Variants in PTPRM observed in about 807,000 individuals in gnomAD.
The protein encoded by PTPRM is receptor-type tyrosine-protein phosphatase mu.
In PTPRM, 47 loss-of-function variants were observed where a neutral mutation model predicts 186.7. The observed-to-expected ratio is 0.25, with a 90% confidence interval of 0.20 to 0.32. The LOEUF (loss-of-function observed/expected upper bound fraction) is 0.32. Ranked by LOEUF, PTPRM falls within the 10% of genes least tolerant of loss-of-function variation. The probability of loss-of-function intolerance (pLI) is 1.00; values close to 1 mark genes in which losing one functional copy is unlikely to be tolerated. For synonymous variants in PTPRM, 668 were observed against 674.9 expected (o/e 0.99, Z 0.16); for missense variants, 1,494 against 1,865.0 (o/e 0.80, Z 3.66).
In PTPRM at chr18:7,955,153, G is replaced by A. The variant is rs368960026; in HGVS notation, c.871G>A (p.Ala291Thr). 241 of 1,611,072 alleles carry A rather than the reference G, an allele frequency of 1.5e-4. No individual in the cohort carries two copies. Among genetic ancestry groups the A allele is most frequent in the Non-Finnish European group, 1.9e-4 (229 of 1,177,584 alleles). The change falls in exon 7 of 33, where the codon GCC (alanine) becomes ACC (threonine). Residue 291 changes from alanine to threonine, a missense_variant. Physicochemically the swap from Ala to Thr is moderately conservative, Grantham distance 58 (BLOSUM62 0). This residue lies in a region of PTPRM where 91 missense variants were observed against 169.3 expected (regional missense o/e 0.54). Transcript: ENST00000580170. ...CGTTCCTATTGCCCCACCTCAGCTC[G>A]CCTCTGTAGGAGCCACCTACCTGTG... ...PPVPIAPPQL[A>T]SVGATYLWIQ...
intron 2 of PTPRM, among the ~76,000 whole-genome samples, chr18:7,837,611 C>T (rs536835300): frequency 9.9e-5 from 15 of 152,094 alleles, no homozygotes; most frequent in Non-Finnish European, 2.2e-4. Context: ...CATGCCACCA[C>T]ACCTGGCTAA....
intron 7 of PTPRM, among the ~76,000 whole-genome samples, chr18:8,032,050 A>C (rs754037042): frequency 1.3e-5 from 2 of 152,218 alleles, no homozygotes; most frequent in Non-Finnish European, 2.9e-5. Flanking sequence ...CAAAATTATT[A>C]GTCATCGTTG....
chr18:7,826,287 A>G (rs2045480307), intron 2 of PTPRM, among the ~76,000 whole-genome samples: 1 of 152,264 alleles, frequency 6.6e-6, no homozygotes, highest in Admixed American at 6.5e-5. Flanking sequence ...TAAATTCAAC[A>G]GAAGCTACAT....
intron 2 of PTPRM, among the ~76,000 whole-genome samples, chr18:7,793,428 G>A (rs915476526): frequency 6.6e-6 from 1 of 152,156 alleles, no homozygotes; most frequent in African/African-American, 2.4e-5. Flanking sequence ...TTTCTTATGG[G>A]TACTACTTTT....
intron 7 of PTPRM, among the ~76,000 whole-genome samples, chr18:8,050,733 A>G (rs540029282): frequency 1.6e-3 from 243 of 152,300 alleles, no homozygotes; most frequent in African/African-American, 5.5e-3. Flanking sequence ...GTTTTCCAAC[A>G]GATGAAAATA....
chr18:7,597,323 T>C (rs781626421), intron 1 of PTPRM, among the ~76,000 whole-genome samples: 2 of 152,170 alleles, frequency 1.3e-5, no homozygotes, highest in Non-Finnish European at 2.9e-5. Flanking sequence ...GAGAATGCTG[T>C]TCTCTCTGTG....
chr18:8,319,224 T>C lies in PTPRM; in HGVS notation c.2956+10T>C, dbSNP rs1270376261. 6.4e-7 allele frequency: 1 copy of C among 1,555,080 alleles called. No homozygotes were observed. The highest frequency in any genetic ancestry group is 1.7e-5 in the Admixed American group (1 of 58,558). On this transcript the variant is annotated intron_variant, in intron 22 of 32. Transcript: ENST00000580170. ...TACATTGCTACCCAAGGTAAGTTTATTTCTACTTTGTTGTCTTTCTTTGTT... is the reference window on the plus strand; with the variant it reads ...TACATTGCTACCCAAGGTAAGTTTACTTCTACTTTGTTGTCTTTCTTTGTT...
At chr18:7,842,947 T>TATATATATATATATATAGAGAG (rs370746043) in intron 2 of PTPRM, among the ~76,000 whole-genome samples, 10 of 112,116 alleles carry the variant, frequency 8.9e-5, no homozygotes, top group African/African-American at 3.8e-4. Context: ...TATATATATA[T>TATATATATATATATATAGAGAG]AGAGAGAGAG....
intron 31 of PTPRM, among the ~76,000 whole-genome samples, chr18:8,387,735 A>AGAGT (rs10630450): frequency 0.66 from 100,400 of 151,326 alleles, 33,436 homozygotes; most frequent in East Asian, 0.73. Flanking sequence ...AAGGACCTGG[A>AGAGT]GTGTGTGTGT....
intron 1 of PTPRM, among the ~76,000 whole-genome samples, chr18:7,582,451 T>C (rs2036870567): frequency 6.6e-6 from 1 of 152,166 alleles, no homozygotes; most frequent in Admixed American, 6.5e-5. Context: ...ACGTTGTCAC[T>C]TCCACCTCTT....
chr18:8,299,535 C>T (rs60326722), intron 20 of PTPRM, among the ~76,000 whole-genome samples: 5,636 of 151,036 alleles, frequency 0.037, 148 homozygotes, highest in African/African-American at 0.065. Flanking sequence ...TGCAGTGAGC[C>T]GATCATGCCA....
intron 1 of PTPRM, among the ~76,000 whole-genome samples, chr18:7,712,740 CA>C: frequency 6.6e-6 from 1 of 151,478 alleles, no homozygotes; most frequent in Non-Finnish European, 1.5e-5. Context: ...TATCAATAGC[CA>C]AATCAATCAA....
chr18:7,620,065 C>T lies in PTPRM; in HGVS notation c.73+52174C>T, dbSNP rs562594592. 2.6e-5 allele frequency among the ~76,000 whole-genome samples: 4 copies of T among 152,280 alleles called. No homozygotes were observed. In the East Asian group the frequency reaches 7.7e-4, roughly 29 times the overall value. On this transcript the variant is annotated intron_variant, in intron 1 of 32. Coordinates refer to ENST00000580170, the MANE Select transcript of PTPRM (RefSeq NM_001105244.2). Reference sequence around the variant, plus strand: ...ACTTAGCCTGCCCCGATGCATACAACCTATAAAGTACTAGATTTTTCTCTA... The same window carrying T: ...ACTTAGCCTGCCCCGATGCATACAATCTATAAAGTACTAGATTTTTCTCTA...
chr18:8,232,701 A>G (rs2094301700), intron 14 of PTPRM, among the ~76,000 whole-genome samples: 2 of 152,116 alleles, frequency 1.3e-5, no homozygotes, highest in Non-Finnish European at 2.9e-5. Context: ...GCTGGTCTCA[A>G]ACTCCTGACC....
At chr18:8,200,540 C>A (rs2093840935) in intron 14 of PTPRM, among the ~76,000 whole-genome samples, 1 of 152,234 alleles carries the variant, frequency 6.6e-6, no homozygotes, top group East Asian at 1.9e-4. Context: ...AAGTTGGAGT[C>A]TCTGTTCTGG....
intron 7 of PTPRM, among the ~76,000 whole-genome samples, chr18:8,001,712 T>A (rs1184183916): frequency 6.6e-6 from 1 of 152,192 alleles, no homozygotes; most frequent in Non-Finnish European, 1.5e-5. Context: ...CTAATCTTCC[T>A]TAATAAAAAG....
chr18:8,003,115 A>T (rs577641452), intron 7 of PTPRM, among the ~76,000 whole-genome samples: 1 of 152,152 alleles, frequency 6.6e-6, no homozygotes, highest in South Asian at 2.1e-4. Flanking sequence ...TCCCCACCCA[A>T]ATCTCACCTT....
chr18:8,236,268 G>A (rs150400077), intron 14 of PTPRM, among the ~76,000 whole-genome samples: 1 of 152,204 alleles, frequency 6.6e-6, no homozygotes, highest in Non-Finnish European at 1.5e-5. Context: ...GTGCATACAC[G>A]TTAAAAAATT....
chr18:7,774,228 G>T lies in PTPRM; in HGVS notation c.153G>T (p.Val51=). The T allele has an allele frequency of 6.2e-7, 1 of 1,614,038 alleles. No homozygotes were observed. Among genetic ancestry groups the T allele is most frequent in the South Asian group, 1.1e-5 (1 of 91,052 alleles). The change falls in exon 2 of 33, where the codon GTG becomes GTT. Residue 51 remains valine (V), a synonymous_variant. Transcript: ENST00000580170. ...GTGATGACTTCAATTGGGAGCAAGT[G>T]AACACCTTGACTAAACCGACTTCTG... The part of the protein sequence containing the change: ...SEGDDFNWEQ[V]NTLTKPTSDP...
Sources: allele counts gnomAD v4.1 joint callset (sites outside exome capture counted in the v4.1 genomes callset), GRCh38; gene constraint gnomAD v4.1.1; regional missense constraint gnomAD v4.1.1; transcripts MANE v1.5; gene names NCBI Gene and HGNC (gene_info 2026-07-23, HGNC 2026-07-21).